MED13L: variants seen among roughly 807,000 people sequenced by gnomAD.
MED13L encodes mediator complex subunit 13L.
MED13L carries 7 observed loss-of-function variants against 220.9 expected under a neutral mutation model. The ratio of observed to expected loss-of-function variants is 0.03; its 90% CI spans 0.02 to 0.06. The LOEUF (loss-of-function observed/expected upper bound fraction) is 0.06, where lower values mean the gene tolerates loss of function less well. Ranked by LOEUF, MED13L falls within the 10% of genes least tolerant of loss-of-function variation. MED13L has a pLI of 1.00. For synonymous variants in MED13L, 1,011 were observed against 1,015.2 expected, an observed-to-expected ratio of 1.00 and a Z score of 0.08; for missense variants, 1,965 against 2,760.5, an observed-to-expected ratio of 0.71 and a Z score of 6.46.
At chr12:116,190,878 G>A (rs567595099) in intron 2 of MED13L, among the ~76,000 whole-genome samples, 31 of 152,130 alleles carry the variant, frequency 2.0e-4, no homozygotes, top group African/African-American at 6.7e-4. Flanking sequence ...GATCACCTGA[G>A]GTCAGAAGTT....
Position 116,007,588 on chromosome 12 carries a change from C to T in MED13L, c.2061G>A (p.Gln687=), listed in dbSNP as rs770538291. 1.3e-6 allele frequency: 2 copies of T among 1,573,952 alleles called. No homozygotes were observed. Among genetic ancestry groups the T allele is most frequent in the Admixed American group, 3.6e-5 (2 of 56,192 alleles). Residue 687 remains glutamine (Q), a synonymous_variant, in exon 11 of 31, where the codon CAG becomes CAA. Coordinates refer to ENST00000281928, the MANE Select transcript of MED13L (RefSeq NM_015335.5). The stretch of plus-strand genomic sequence containing the variant: ...GGAAGTGGAGTGGCTGCAACTGGGG[C>T]TGTTTGTCTTGCCAGATTTTAAACC... ...NKRFKIWQDK[Q]PQLQPLHFLD... is the part of the protein sequence containing the mutation.
intron 2 of MED13L, among the ~76,000 whole-genome samples, chr12:116,205,150 G>A: frequency 6.6e-6 from 1 of 152,068 alleles, no homozygotes; most frequent in Non-Finnish European, 1.5e-5. Context: ...AACAAAAACG[G>A]TGCCTATTAA....
intron 2 of MED13L, among the ~76,000 whole-genome samples, chr12:116,160,585 T>TAA (rs113005311): frequency 2.1e-4 from 30 of 139,682 alleles, no homozygotes; most frequent in South Asian, 1.8e-3. Flanking sequence ...AACTTTAATT[T>TAA]AAAAAAAAAA....
At chr12:115,983,688 T>A (rs1386006184) in intron 20 of MED13L, 148 bp from the exon 21 acceptor site, 1 of 877,848 alleles carries the variant, frequency 1.1e-6, no homozygotes, top group South Asian at 1.5e-5. Flanking sequence ...TCCACAGTCA[T>A]GCTTATGTAT....
intron 2 of MED13L, among the ~76,000 whole-genome samples, chr12:116,125,655 T>G (rs1451346194): frequency 6.6e-6 from 1 of 152,170 alleles, no homozygotes; most frequent in Non-Finnish European, 1.5e-5. Context: ...GCCCAATCCA[T>G]GTCTCTCTTA....
chr12:116,109,716 T>A (rs1873913665), intron 3 of MED13L, among the ~76,000 whole-genome samples: 1 of 152,220 alleles, frequency 6.6e-6, no homozygotes. Flanking sequence ...GTACTTTGTT[T>A]CGTTTTACAG....
chr12:116,012,910 G>A lies in MED13L; in HGVS notation c.1176-9C>T. ...TTGACATTTGGCTCCTCCTAAAAGG[G>A]TTAAAAATGTGACTTATGTGTGAAC... On this transcript the variant is annotated splice_polypyrimidine_tract_variant and intron_variant, in intron 8 of 30. Transcript: ENST00000281928. 6.3e-7 allele frequency: 1 copy of A among 1,593,868 alleles called. No individual in the cohort carries two copies. Among genetic ancestry groups the A allele is most frequent in the Non-Finnish European group, 8.6e-7 (1 of 1,161,738 alleles).
intron 4 of MED13L, among the ~76,000 whole-genome samples, chr12:116,029,949 T>C (rs1489728514): frequency 6.6e-6 from 1 of 151,840 alleles, no homozygotes; most frequent in Non-Finnish European, 1.5e-5. Flanking sequence ...ACATACTCTT[T>C]TTGGGTTTTT....
At chr12:116,116,131 T>G (rs1874495433) in intron 2 of MED13L, among the ~76,000 whole-genome samples, 1 of 152,110 alleles carries the variant, frequency 6.6e-6, no homozygotes, top group Non-Finnish European at 1.5e-5. Context: ...CACTAGTGGC[T>G]AAAGAAATGA....
rs1029175160 is a variant in MED13L, at chr12:116,253,758, T to TG, written c.73-16054_73-16053insC. On this transcript the variant is annotated intron_variant, in intron 1 of 30. Transcript: ENST00000281928. Reference sequence around the variant, plus strand: ...CCACCTTCACGGTTTTTTTTGTTTTTTTTTTTTTTTTTTTTTTTTTTGAGA... The same window carrying TG: ...CCACCTTCACGGTTTTTTTTGTTTTTGTTTTTTTTTTTTTTTTTTTTTGAGA... Among the ~76,000 whole-genome samples the TG allele has an allele frequency of 1.2e-4, 16 of 135,670 alleles. No individual in the cohort carries two copies. In the East Asian group the frequency reaches 1.6e-3, roughly 14 times the overall value. 89.0% of individuals were successfully genotyped at this position (135,670 alleles called of 152,430 possible).
intron 1 of MED13L, among the ~76,000 whole-genome samples, chr12:116,270,446 G>A (rs1873211258): frequency 6.6e-6 from 1 of 152,038 alleles, no homozygotes; most frequent in African/African-American, 2.4e-5. Flanking sequence ...CGCCCAGCTA[G>A]ATAATCTTAA....
chr12:116,009,253 T>A, intron 9 of MED13L, 121 bp from the exon 10 acceptor site: 1 of 898,302 alleles, frequency 1.1e-6, no homozygotes, highest in Non-Finnish European at 1.7e-6. Flanking sequence ...TCTAAGTTTT[T>A]AATTATACTT....
At chr12:116,182,868 AC>A (rs1880623195) in intron 2 of MED13L, among the ~76,000 whole-genome samples, 1 of 152,156 alleles carries the variant, frequency 6.6e-6, no homozygotes, top group African/African-American at 2.4e-5. Context: ...CACTTTGATC[AC>A]CCTGCTAACA....
In MED13L at chr12:116,119,817, A is replaced by T. The variant is rs1424578196; in HGVS notation, c.311-8305T>A. On this transcript the variant is annotated intron_variant, in intron 2 of 30. Coordinates refer to ENST00000281928, the MANE Select transcript of MED13L (RefSeq NM_015335.5). ...GAAAGACCCCATATCTTTAAAAAAA[A>T]AAAAAAAAAAAAAAAAAAAAAATAT... is the stretch of plus-strand genomic sequence containing the variant. Among the ~76,000 whole-genome samples, 437 of 72,014 alleles carry T rather than the reference A, an allele frequency of 6.1e-3. 3 individuals carry two copies. Among genetic ancestry groups the T allele is most frequent in the Middle Eastern group, 0.021 (3 of 144 alleles). The allele number at this position is 72,014 out of a possible 152,430, so 47.2% of individuals were successfully genotyped here. A position where few individuals can be genotyped will look rare whatever the true frequency, so the allele number is the denominator to read the frequency against.
intron 23 of MED13L, among the ~76,000 whole-genome samples, chr12:115,978,405 C>T (rs1440205409): frequency 1.3e-5 from 2 of 149,916 alleles, no homozygotes; most frequent in African/African-American, 4.9e-5. Flanking sequence ...TGGCTCACTG[C>T]AACCTCCACC....
chr12:116,090,309 C>T (rs1872085774), intron 4 of MED13L, among the ~76,000 whole-genome samples: 1 of 152,196 alleles, frequency 6.6e-6, no homozygotes, highest in African/African-American at 2.4e-5. Context: ...CCTACAATTT[C>T]TCCTTCCATT....
rs979082410 is a variant in MED13L, at chr12:116,032,273, T to C, written c.480-9672A>G. ...TGACAAGCTGATTCTAAAATTCATATAGAACACAGAGTCAAGAATAGCCAA... is the reference window on the plus strand; with the variant it reads ...TGACAAGCTGATTCTAAAATTCATACAGAACACAGAGTCAAGAATAGCCAA... On this transcript the variant is annotated intron_variant, in intron 4 of 30. Transcript: ENST00000281928. 3.9e-5 allele frequency among the ~76,000 whole-genome samples: 6 copies of C among 152,152 alleles called. No homozygotes were observed. In the South Asian group the frequency reaches 6.2e-4, roughly 16 times the overall value.
At chr12:115,980,100 C>G (rs1184225980) in intron 23 of MED13L, among the ~76,000 whole-genome samples, 1 of 152,024 alleles carries the variant, frequency 6.6e-6, no homozygotes, top group Non-Finnish European at 1.5e-5. Flanking sequence ...CAGACCAGAG[C>G]TGGAAAACGC....
At position 116,019,953 on chromosome 12, in the gene MED13L, G is replaced by A. The variant is rs1227433715; in HGVS notation, c.645C>T (p.Gly215=). The A allele has an allele frequency of 4.3e-6, 7 of 1,613,598 alleles. No individual in the cohort carries two copies. The highest frequency in any genetic ancestry group is 5.9e-6 in the Non-Finnish European group (7 of 1,179,808). ...CTTGGCCTGTTAGCGTCCCATTTAAGCCATAAGGACTTACCAGTACTATGG... is the reference window on the plus strand; with the variant it reads ...CTTGGCCTGTTAGCGTCCCATTTAAACCATAAGGACTTACCAGTACTATGG... ...APFQVLVSPY[G]LNGTLTGQAY... Residue 215 remains glycine (G), a synonymous_variant, in exon 6 of 31, where the codon GGC becomes GGT. Coordinates refer to ENST00000281928, the MANE Select transcript of MED13L (RefSeq NM_015335.5).
Sources: gnomAD v4.1 joint callset for allele counts (sites outside exome capture counted in the v4.1 genomes callset) on GRCh38, gnomAD v4.1.1 for gene constraint, MANE v1.5 for transcripts, NCBI Gene and HGNC (gene_info 2026-07-23, HGNC 2026-07-21) for gene names.